Variants in GRAMD1C observed in about 807,000 individuals in gnomAD.
GRAMD1C encodes the protein protein Aster-C.
In GRAMD1C, 89 loss-of-function variants were observed where a neutral mutation model predicts 97.8. That is an observed-to-expected ratio of 0.91 (90% confidence interval 0.77 to 1.09). The LOEUF (loss-of-function observed/expected upper bound fraction) is 1.09. GRAMD1C is among the 50% of genes least tolerant of loss of function. The probability of loss-of-function intolerance (pLI) is 0.00; values close to 1 mark genes in which losing one functional copy is unlikely to be tolerated. For synonymous variants in GRAMD1C, 256 were observed against 267.0 expected (o/e 0.96, Z 0.40); for missense variants, 740 against 766.4 (o/e 0.97, Z 0.41).
chr3:113,920,690 G>A (rs1307270573), intron 10 of GRAMD1C, among the ~76,000 whole-genome samples: 5 of 151,908 alleles, frequency 3.3e-5, no homozygotes, highest in East Asian at 1.9e-4. Context: ...ACAGGTGCCC[G>A]CCACCATACC....
intron 10 of GRAMD1C, among the ~76,000 whole-genome samples, chr3:113,925,503 A>AAACC (rs760810908): frequency 1.4e-5 from 2 of 145,554 alleles, no homozygotes; most frequent in East Asian, 4.1e-4. Context: ...ACAAACAAAC[A>AAACC]AAACCCAGCA....
rs200917151 is a variant in GRAMD1C, at chr3:113,858,393, C to CGTTTTT, written c.175-11114_175-11113insGTTTTT. Among the ~76,000 whole-genome samples the CGTTTTT allele has an allele frequency of 3.9e-5, 3 of 76,620 alleles. 1 individual carries two copies. 50.3% of individuals were successfully genotyped at this position (76,620 alleles called of 152,430 possible). A position where few individuals can be genotyped will look rare whatever the true frequency, so the allele number is the denominator to read the frequency against. Reference sequence around the variant, plus strand: ...GATTACAGGCATGTAATCCCAGCTACATTTTTTTTTTTTTTTTTTTGAGAC... The same window carrying CGTTTTT: ...GATTACAGGCATGTAATCCCAGCTACGTTTTTATTTTTTTTTTTTTTTTTTTGAGAC... On this transcript the variant is annotated intron_variant, in intron 2 of 17. Coordinates refer to ENST00000358160, the MANE Select transcript of GRAMD1C (RefSeq NM_017577.5).
At chr3:113,894,481 G>A (rs946807928) in intron 6 of GRAMD1C, among the ~76,000 whole-genome samples, 2 of 152,096 alleles carry the variant, frequency 1.3e-5, no homozygotes, top group East Asian at 1.9e-4. Flanking sequence ...GTTTCACCAT[G>A]TTGGCCAGGC....
intron 1 of GRAMD1C, among the ~76,000 whole-genome samples, chr3:113,843,052 T>G (rs1933427840): frequency 1.4e-5 from 2 of 138,180 alleles, no homozygotes; most frequent in Non-Finnish European, 1.6e-5. Flanking sequence ...ATAAGCTGTT[T>G]TTTTTTTTTT....
upstream of GRAMD1C, chr3:113,838,598 C>A: frequency 3.1e-6 from 1 of 321,636 alleles, no homozygotes; most frequent in Non-Finnish European, 5.6e-6. Context: ...AAAAAGTTTC[C>A]GAGCAATTCA....
chr3:113,882,887 G>T (rs1935317728), intron 6 of GRAMD1C, 55 bp downstream of exon 6: 2 of 778,946 alleles, frequency 2.6e-6, no homozygotes, highest in South Asian at 3.7e-5. Context: ...TAGTGTATTT[G>T]TGAATTGAAG....
chr3:113,845,902 G>A (rs1444331317), intron 2 of GRAMD1C, among the ~76,000 whole-genome samples: 5 of 121,122 alleles, frequency 4.1e-5, no homozygotes, highest in Non-Finnish European at 7.2e-5. Flanking sequence ...GAATCTTAAC[G>A]TGACTAAAAC....
At position 113,940,297 on chromosome 3, in the gene GRAMD1C, C is replaced by T; in HGVS notation, c.1860C>T (p.Ala620=). The change falls in exon 17 of 18, where the codon GCC becomes GCT. Residue 620 remains alanine, a synonymous_variant. Transcript: ENST00000358160. ...CTATTCAGAAGAATAAAGATCAGGC[C>T]CATCGTTTAAAGGGAGTGCTCCGAG... is the stretch of plus-strand genomic sequence containing the variant. ...AETIQKNKDQ[A]HRLKGVLRDS... 1 of 1,611,320 alleles carries T rather than the reference C, an allele frequency of 6.2e-7. No homozygotes were observed. Among genetic ancestry groups the T allele is most frequent in the Non-Finnish European group, 8.5e-7 (1 of 1,177,542 alleles).
chr3:113,897,850 T>G (rs1417780094), intron 6 of GRAMD1C: 2 of 523,452 alleles, frequency 3.8e-6, no homozygotes, highest in Non-Finnish European at 4.9e-6. Context: ...TTAGGTTGTT[T>G]TGAAGACTAC....
Position 113,850,367 on chromosome 3 carries a change from T to A in GRAMD1C, c.174+5718T>A, listed in dbSNP as rs1417659321. On this transcript the variant is annotated intron_variant, in intron 2 of 17. Coordinates refer to ENST00000358160, the MANE Select transcript of GRAMD1C (RefSeq NM_017577.5). ...AAAACTCCGTCTGTAGGTATCTCTG[T>A]CGGCTTCCCCTTTTGTGAGTCTTGC... 6.3e-6 allele frequency: 5 copies of A among 791,750 alleles called. No individual in the cohort carries two copies. In the East Asian group the frequency reaches 7.6e-5, roughly 12 times the overall value. 49.0% of individuals were successfully genotyped at this position (791,750 alleles called of 1,614,324 possible).
chr3:113,879,217 C>A (rs1388304182), intron 5 of GRAMD1C, among the ~76,000 whole-genome samples: 4 of 150,732 alleles, frequency 2.7e-5, no homozygotes, highest in African/African-American at 9.7e-5. Context: ...AAAAAAAAAA[C>A]CAAAAAACAA....
At chr3:113,849,661 C>T (rs1173375126) in intron 2 of GRAMD1C, among the ~76,000 whole-genome samples, 5 of 152,168 alleles carry the variant, frequency 3.3e-5, no homozygotes, top group African/African-American at 1.2e-4. Flanking sequence ...TTTCTTAGTA[C>T]AGAACAAAAT....
At chr3:113,885,751 T>C in intron 6 of GRAMD1C, 1 of 1,584,110 alleles carries the variant, frequency 6.3e-7, no homozygotes, top group South Asian at 1.1e-5. Context: ...AGAAGCATCC[T>C]TAAGAGGAGA....
intron 9 of GRAMD1C, among the ~76,000 whole-genome samples, chr3:113,913,352 C>T (rs1422046615): frequency 6.7e-6 from 1 of 149,522 alleles, no homozygotes; most frequent in Admixed American, 6.7e-5. Context: ...TGAGGAAAGC[C>T]CATCTCTACT....
chr3:113,830,741 C>A (rs930332007), intron 1 of GRAMD1C, among the ~76,000 whole-genome samples: 1 of 152,230 alleles, frequency 6.6e-6, no homozygotes, highest in Non-Finnish European at 1.5e-5. Flanking sequence ...CATTGTTATG[C>A]AATGCATGAC....
intron 2 of GRAMD1C, among the ~76,000 whole-genome samples, chr3:113,860,811 A>T (rs1934339979): frequency 6.6e-6 from 1 of 151,962 alleles, no homozygotes; most frequent in Admixed American, 6.6e-5. Flanking sequence ...TTAAAAATAT[A>T]AAAAATTAGC....
intron 11 of GRAMD1C, among the ~76,000 whole-genome samples, chr3:113,932,889 T>TC (rs1295045654): frequency 6.7e-6 from 1 of 150,008 alleles, no homozygotes; most frequent in South Asian, 2.1e-4. Flanking sequence ...CTTCTTTCTT[T>TC]TTTTTTTTTT....
At chr3:113,882,386 A>G (rs1007826987) in intron 5 of GRAMD1C, among the ~76,000 whole-genome samples, 3 of 152,152 alleles carry the variant, frequency 2.0e-5, no homozygotes, top group Non-Finnish European at 2.9e-5. Context: ...GTGGCAGCCA[A>G]TTCATATCTC....
intron 9 of GRAMD1C, among the ~76,000 whole-genome samples, chr3:113,909,731 G>T (rs937861843): frequency 6.6e-6 from 1 of 152,102 alleles, no homozygotes; most frequent in African/African-American, 2.4e-5. Flanking sequence ...TTAAATTATT[G>T]GGTAGCCTCC....
Sources: allele counts gnomAD v4.1 joint callset (sites outside exome capture counted in the v4.1 genomes callset), GRCh38; gene constraint gnomAD v4.1.1; transcripts MANE v1.5; gene names NCBI Gene and HGNC (gene_info 2026-07-23, HGNC 2026-07-21).